Variants in GALNT13 observed in about 807,000 individuals in gnomAD.
GALNT13 encodes the protein polypeptide N-acetylgalactosaminyltransferase 13.
GALNT13 carries 28 observed loss-of-function variants against 64.2 expected under a neutral mutation model. The observed-to-expected ratio is 0.44, with a 90% confidence interval of 0.32 to 0.60. The LOEUF (loss-of-function observed/expected upper bound fraction) is 0.60. GALNT13 is among the 20% of genes least tolerant of loss of function. The probability of loss-of-function intolerance (pLI) is 0.05; values close to 1 mark genes in which losing one functional copy is unlikely to be tolerated. For synonymous variants in GALNT13, 214 were observed against 224.6 expected, an observed-to-expected ratio of 0.95 and a Z score of 0.42; for missense variants, 577 against 669.8, an observed-to-expected ratio of 0.86 and a Z score of 1.53.
intron 1 of GALNT13, among the ~76,000 whole-genome samples, chr2:153,882,430 T>G (rs1030307835): frequency 6.6e-6 from 1 of 152,078 alleles, no homozygotes; most frequent in Non-Finnish European, 1.5e-5. Flanking sequence ...AACTATCCAC[T>G]CTTAACATGT....
At chr2:153,968,088 G>C (rs2105116786) in intron 3 of GALNT13, among the ~76,000 whole-genome samples, 1 of 152,214 alleles carries the variant, frequency 6.6e-6, no homozygotes, top group East Asian at 1.9e-4. Flanking sequence ...CACCACAGCT[G>C]GTGTTGCTCT....
chr2:153,466,450 G>GTTT, the GALNT13 span, among the ~76,000 whole-genome samples: 2 of 148,262 alleles, frequency 1.3e-5, no homozygotes, highest in Non-Finnish European at 3.0e-5. Flanking sequence ...CTTTCTAGTT[G>GTTT]TTTTTTTTTT....
chr2:153,811,051 G>T, the GALNT13 span, among the ~76,000 whole-genome samples: 1 of 152,060 alleles, frequency 6.6e-6, no homozygotes, highest in African/African-American at 2.4e-5. Flanking sequence ...AGGCTGTAGT[G>T]AGAATTGAAT....
At position 153,912,049 on chromosome 2, in the gene GALNT13, A is replaced by G. The variant is rs570045000; in HGVS notation, c.-105+11042A>G. Among the ~76,000 whole-genome samples, 20 of 152,218 alleles carry G rather than the reference A, an allele frequency of 1.3e-4. 1 individual carries two copies. In the South Asian group the frequency reaches 4.1e-3, roughly 32 times the overall value. On this transcript the variant is annotated intron_variant, in intron 2 of 12. Coordinates refer to ENST00000392825, the MANE Select transcript of GALNT13 (RefSeq NM_052917.4). ...TCTCTTTCAGGGATGTCAATGTCATAGATTTGGTCTCTTTATATAATCCCA... is the reference window on the plus strand; with the variant it reads ...TCTCTTTCAGGGATGTCAATGTCATGGATTTGGTCTCTTTATATAATCCCA...
the GALNT13 span, among the ~76,000 whole-genome samples, chr2:153,103,738 C>T: frequency 6.6e-6 from 1 of 152,170 alleles, no homozygotes; most frequent in South Asian, 2.1e-4. Context: ...AATGTAAGCT[C>T]CTTGAGAGCA....
At chr2:153,284,712 G>T in the GALNT13 span, among the ~76,000 whole-genome samples, 3 of 152,080 alleles carry the variant, frequency 2.0e-5, no homozygotes, top group Admixed American at 2.0e-4. Context: ...TATCAGCTGG[G>T]TGCTTTCATG....
chr2:153,143,532 G>A, the GALNT13 span, among the ~76,000 whole-genome samples: 2 of 151,996 alleles, frequency 1.3e-5, no homozygotes, highest in African/African-American at 4.8e-5. Context: ...ACCTGGGCAT[G>A]AAAATACTGC....
At chr2:154,146,949 A>T (rs908919136) in intron 4 of GALNT13, among the ~76,000 whole-genome samples, 1 of 152,082 alleles carries the variant, frequency 6.6e-6, no homozygotes, top group African/African-American at 2.4e-5. Context: ...GTCTCCGTTC[A>T]TGTGAAAATC....
At chr2:153,319,690 T>C in the GALNT13 span, among the ~76,000 whole-genome samples, 1 of 152,190 alleles carries the variant, frequency 6.6e-6, no homozygotes, top group African/African-American at 2.4e-5. Context: ...ATAAAAGCCA[T>C]TGTTAATATA....
chr2:153,571,499 T>A, the GALNT13 span, among the ~76,000 whole-genome samples: 3 of 152,058 alleles, frequency 2.0e-5, no homozygotes, highest in Non-Finnish European at 4.4e-5. Flanking sequence ...ATAACAGTGA[T>A]GAAAGTGAGC....
At chr2:153,618,111 G>C in the GALNT13 span, among the ~76,000 whole-genome samples, 1 of 151,562 alleles carries the variant, frequency 6.6e-6, no homozygotes, top group East Asian at 1.9e-4. Context: ...AAGATATATT[G>C]TTGATTGTTT....
At position 154,431,695 on chromosome 2, in the gene GALNT13, C is replaced by T. The variant is rs376006450; in HGVS notation, c.1396-6897C>T. ...AAAATCTCATCTTGAATTGTAGCTC[C>T]CATAATCCCCACGTGTCATGAGAGG... On this transcript the variant is annotated intron_variant, in intron 11 of 12. Transcript: ENST00000392825. 2.6e-5 allele frequency among the ~76,000 whole-genome samples: 4 copies of T among 152,302 alleles called. 1 individual carries two copies. The highest frequency in any genetic ancestry group is 9.6e-5 in the African/African-American group (4 of 41,560).
the GALNT13 span, among the ~76,000 whole-genome samples, chr2:153,167,243 C>A: frequency 2.0e-5 from 3 of 152,196 alleles, no homozygotes; most frequent in African/African-American, 7.2e-5. Flanking sequence ...TCCATCCCAA[C>A]AGAAGGGTCA....
chr2:153,444,295 C>A, the GALNT13 span, among the ~76,000 whole-genome samples: 5 of 152,132 alleles, frequency 3.3e-5, no homozygotes, highest in African/African-American at 9.7e-5. Context: ...CCATGGAGTT[C>A]TTGTACTTTG....
chr2:153,947,311 C>T (rs1691829470), intron 3 of GALNT13, among the ~76,000 whole-genome samples: 1 of 151,754 alleles, frequency 6.6e-6, no homozygotes, highest in African/African-American at 2.4e-5. Context: ...TTTTGTCTTT[C>T]TGTATGTATT....
chr2:153,143,994 T>C, the GALNT13 span, among the ~76,000 whole-genome samples: 18 of 152,146 alleles, frequency 1.2e-4, no homozygotes, highest in African/African-American at 4.3e-4. Flanking sequence ...GTTTCGGTCA[T>C]CACATGAATG....
the GALNT13 span, among the ~76,000 whole-genome samples, chr2:153,782,762 C>G: frequency 3.2e-3 from 492 of 152,244 alleles, 5 homozygotes; most frequent in African/African-American, 0.011. Flanking sequence ...CCTATCAACA[C>G]CTTGATCATG....
intron 4 of GALNT13, among the ~76,000 whole-genome samples, chr2:154,223,670 C>T (rs1396429618): frequency 4.6e-5 from 7 of 151,562 alleles, no homozygotes; most frequent in African/African-American, 7.3e-5. Flanking sequence ...AGACTGGTCT[C>T]GAATAAATTT....
intron 3 of GALNT13, among the ~76,000 whole-genome samples, chr2:154,082,933 G>A (rs1966522): frequency 0.78 from 118,194 of 151,900 alleles, 46,451 homozygotes; most frequent in East Asian, 0.96. Context: ...CCATTTGTCA[G>A]TTGTGGCTTT....
Sources: gnomAD v4.1 joint callset for allele counts (sites outside exome capture counted in the v4.1 genomes callset) on GRCh38, gnomAD v4.1.1 for gene constraint, MANE v1.5 for transcripts, NCBI Gene and HGNC (gene_info 2026-07-23, HGNC 2026-07-21) for gene names.